The following FOXO1 variants were observed in gnomAD, a reference collection of about 807,000 sequenced individuals.
FOXO1 encodes the protein forkhead box O1.
In FOXO1, 6 loss-of-function variants were observed where a neutral mutation model predicts 44.1. That is an observed-to-expected ratio of 0.14 (90% confidence interval 0.07 to 0.27). The LOEUF is 0.27. Among genes scored for constraint, FOXO1 ranks in the 10% least tolerant of loss-of-function variants. The pLI, the probability that FOXO1 is intolerant of heterozygous loss-of-function variation, is 1.00. For missense variants in FOXO1, 737 were observed against 888.8 expected (o/e 0.83, Z 2.17); for synonymous variants, 380 against 362.7 (o/e 1.05, Z -0.54).
chr13:40,652,289 C>CT (rs777152612), intron 1 of FOXO1, among the ~76,000 whole-genome samples: 1,875 of 133,554 alleles, frequency 0.014, 21 homozygotes, highest in Non-Finnish European at 0.017. Context: ...ACTGGTGATT[C>CT]TTTTTTTTTT....
intron 1 of FOXO1, among the ~76,000 whole-genome samples, chr13:40,654,774 G>A (rs1041659542): frequency 1.2e-4 from 18 of 151,946 alleles, no homozygotes; most frequent in African/African-American, 4.4e-4. Context: ...CACTTTAGAG[G>A]TGGTACTGGC....
intron 1 of FOXO1, among the ~76,000 whole-genome samples, chr13:40,656,302 T>C (rs763435267): frequency 2.6e-5 from 4 of 152,230 alleles, no homozygotes; most frequent in African/African-American, 9.6e-5. Flanking sequence ...TTTTGAAGTA[T>C]CTTTTCAAGC....
rs1878234198 is a variant in FOXO1, at chr13:40,666,025, G to C, written c.188C>G (p.Ala63Gly). ...CATGAAGTCGGCGCTGACAGCGGCA[G>C]CCGAGGCCGAGGGCAGGCCCGCCGC... ...DAAAGLPSAS[A>G]AAVSADFMSN... The change falls in exon 1 of 3, where the codon GCT (alanine) becomes GGT (glycine). Residue 63 changes from alanine (A) to glycine (G), a missense_variant. Physicochemically the swap from Ala to Gly is moderately conservative, Grantham distance 60. Coordinates refer to ENST00000379561, the MANE Select transcript of FOXO1 (RefSeq NM_002015.4). 4 of 1,280,312 alleles carry C rather than the reference G, an allele frequency of 3.1e-6. No individual in the cohort carries two copies. In the South Asian group the frequency reaches 7.8e-5, roughly 25 times the overall value. The allele number at this position is 1,280,312 out of a possible 1,614,324, so 79.3% of individuals were successfully genotyped here.
chr13:40,567,962 C>T (rs1283947569), intron 1 of FOXO1, among the ~76,000 whole-genome samples: 1 of 149,482 alleles, frequency 6.7e-6, no homozygotes, highest in African/African-American at 2.4e-5. Flanking sequence ...AGCAAGACTC[C>T]GTCTTAAAAA....
intron 1 of FOXO1, among the ~76,000 whole-genome samples, chr13:40,631,576 A>G (rs565850505): frequency 6.6e-6 from 1 of 152,376 alleles, no homozygotes; most frequent in South Asian, 2.1e-4. Context: ...GGATGAATGG[A>G]TAAACAAAAT....
chr13:40,604,878 T>C (rs954706035), intron 1 of FOXO1, among the ~76,000 whole-genome samples: 1 of 152,168 alleles, frequency 6.6e-6, no homozygotes, highest in East Asian at 1.9e-4. Context: ...AATTGGTTCC[T>C]ATTAGACACA....
chr13:40,643,831 T>C (rs1877430997), intron 1 of FOXO1, among the ~76,000 whole-genome samples: 1 of 152,234 alleles, frequency 6.6e-6, no homozygotes, highest in South Asian at 2.1e-4. Context: ...ACAGCATAAT[T>C]ACACAGCTCC....
intron 1 of FOXO1, among the ~76,000 whole-genome samples, chr13:40,591,628 T>TAGACCA (rs1480987729): frequency 1.3e-5 from 2 of 152,226 alleles, no homozygotes; most frequent in Non-Finnish European, 2.9e-5. Context: ...AAGAACGCTT[T>TAGACCA]AGACCATAAA....
intron 1 of FOXO1, among the ~76,000 whole-genome samples, chr13:40,665,041 A>C (rs6563841): frequency 0.43 from 65,278 of 151,668 alleles, 15,768 homozygotes; most frequent in East Asian, 0.75. Flanking sequence ...ACTGCCCGGC[A>C]GGCCCTGCAC....
chr13:40,660,411 C>T (rs940714048), intron 1 of FOXO1, among the ~76,000 whole-genome samples: 1 of 152,150 alleles, frequency 6.6e-6, no homozygotes, highest in East Asian at 1.9e-4. Flanking sequence ...TTTCCAAGGG[C>T]AGAGTGTTCC....
chr13:40,638,463 A>G (rs1877233960), intron 1 of FOXO1, among the ~76,000 whole-genome samples: 2 of 152,216 alleles, frequency 1.3e-5, no homozygotes, highest in African/African-American at 4.8e-5. Context: ...CTAAATATTA[A>G]GATGTTTCCT....
intron 1 of FOXO1, among the ~76,000 whole-genome samples, chr13:40,648,488 T>C (rs77932068): frequency 0.048 from 7,308 of 152,322 alleles, 592 homozygotes; most frequent in East Asian, 0.4. Flanking sequence ...TTTCTTATTA[T>C]TGTGCACTAT....
At chr13:40,618,055 A>G (rs1262826483) in intron 1 of FOXO1, among the ~76,000 whole-genome samples, 1 of 152,182 alleles carries the variant, frequency 6.6e-6, no homozygotes, top group Non-Finnish European at 1.5e-5. Flanking sequence ...TATTTCTTCC[A>G]GCGTACTGCA....
chr13:40,572,553 T>C (rs1352130863), intron 1 of FOXO1, among the ~76,000 whole-genome samples: 1 of 152,210 alleles, frequency 6.6e-6, no homozygotes, highest in Non-Finnish European at 1.5e-5. Context: ...GCTTGCCCAT[T>C]ACTCTGTCTA....
intron 1 of FOXO1, among the ~76,000 whole-genome samples, chr13:40,648,507 G>A (rs1877579064): frequency 6.6e-6 from 1 of 152,142 alleles, no homozygotes; most frequent in South Asian, 2.1e-4. Context: ...ATTTTCATAG[G>A]CTCAGGCTTC....
At chr13:40,644,489 C>A (rs1435524442) in intron 1 of FOXO1, among the ~76,000 whole-genome samples, 1 of 152,036 alleles carries the variant, frequency 6.6e-6, no homozygotes, top group Non-Finnish European at 1.5e-5. Flanking sequence ...AGAGTAAAAG[C>A]CAAATCTAAC....
chr13:40,641,394 T>C (rs1877348369), intron 1 of FOXO1, among the ~76,000 whole-genome samples: 1 of 151,128 alleles, frequency 6.6e-6, no homozygotes, highest in East Asian at 1.9e-4. Flanking sequence ...TTGACATAAA[T>C]CTCATTATAT....
At chr13:40,648,022 A>G (rs911006714) in intron 1 of FOXO1, among the ~76,000 whole-genome samples, 2 of 152,194 alleles carry the variant, frequency 1.3e-5, no homozygotes, top group Admixed American at 6.5e-5. Flanking sequence ...AGGATGCTCT[A>G]TAAGTTTCAA....
chr13:40,555,894 T>C lies in FOXO1; in HGVS notation c.*3155A>G, dbSNP rs1257903328. On this transcript the variant is annotated 3_prime_UTR_variant, in exon 3 of 3. Transcript: ENST00000379561. ...AAGAACGTGGAATCTGCACTGTTACTAAACTCGGGTAGCGAAATGCAGGAG... is the reference window on the plus strand; with the variant it reads ...AAGAACGTGGAATCTGCACTGTTACCAAACTCGGGTAGCGAAATGCAGGAG... 1 of 152,696 alleles carries C rather than the reference T, an allele frequency of 6.5e-6. No individual in the cohort carries two copies. Among genetic ancestry groups the C allele is most frequent in the Non-Finnish European group, 1.5e-5 (1 of 68,054 alleles). 9.5% of individuals were successfully genotyped at this position (152,696 alleles called of 1,614,324 possible).
Sources: allele counts gnomAD v4.1 joint callset (sites outside exome capture counted in the v4.1 genomes callset), GRCh38; gene constraint gnomAD v4.1.1; transcripts MANE v1.5; gene names NCBI Gene and HGNC (gene_info 2026-07-23, HGNC 2026-07-21).